Variants in PLEKHM2 observed in about 807,000 individuals in gnomAD.
PLEKHM2 encodes the protein pleckstrin homology domain-containing family M member 2.
PLEKHM2 carries 77 observed loss-of-function variants against 116.3 expected under a neutral mutation model. The ratio of observed to expected loss-of-function variants is 0.66; its 90% CI spans 0.55 to 0.80. PLEKHM2 has a LOEUF of 0.80. Ranked by LOEUF, PLEKHM2 falls within the 30% of genes least tolerant of loss-of-function variation. PLEKHM2 has a pLI of 0.00. For missense variants in PLEKHM2, 1,183 were observed against 1,354.9 expected (o/e 0.87, Z 1.99); for synonymous variants, 562 against 571.0 (o/e 0.98, Z 0.22).
intron 1 of PLEKHM2, among the ~76,000 whole-genome samples, chr1:15,695,226 G>C (rs866558447): frequency 6.6e-6 from 1 of 152,132 alleles, no homozygotes. Flanking sequence ...AATATTATGC[G>C]AGTACAAGGA....
chr1:15,719,492 G>A lies in PLEKHM2; in HGVS notation c.466-242G>A, dbSNP rs2067959365. Among the ~76,000 whole-genome samples, 1 of 152,044 alleles carries A rather than the reference G, an allele frequency of 6.6e-6. No individual in the cohort carries two copies. The highest frequency in any genetic ancestry group is 1.5e-5 in the Non-Finnish European group (1 of 67,996). Reference sequence around the variant, plus strand: ...AAATAGAGAGAGAGAGAGATAGCGGGGGCATCAAAGGGTGTAGCTGAGTTC... The same window carrying A: ...AAATAGAGAGAGAGAGAGATAGCGGAGGCATCAAAGGGTGTAGCTGAGTTC... On this transcript the variant is annotated intron_variant, in intron 5 of 19. Transcript: ENST00000375799. This position sits in a 1 kb window ranked among gnomAD's most constrained non-coding sequence, Gnocchi z 4.1.
At chr1:15,692,144 C>G (rs1640901716) in intron 1 of PLEKHM2, among the ~76,000 whole-genome samples, 1 of 151,792 alleles carries the variant, frequency 6.6e-6, no homozygotes, top group African/African-American at 2.4e-5. Flanking sequence ...GCTGGGGTAG[C>G]TCATTCCTGG....
chr1:15,725,602 C>G (rs373026297), intron 8 of PLEKHM2, 57 bp downstream of exon 8: 17 of 1,245,248 alleles, frequency 1.4e-5, no homozygotes, highest in East Asian at 7.6e-5. Context: ...CCTGTCCACT[C>G]CCAGCATCAG....
chr1:15,713,630 G>T (rs59522972), intron 1 of PLEKHM2, among the ~76,000 whole-genome samples: 14,256 of 150,520 alleles, frequency 0.095, 1,128 homozygotes, highest in African/African-American at 0.21. Flanking sequence ...TTGTTTGTTT[G>T]TTTGTTTTTT....
intron 1 of PLEKHM2, among the ~76,000 whole-genome samples, chr1:15,706,494 C>T (rs1037423191): frequency 6.9e-6 from 1 of 144,840 alleles, no homozygotes; most frequent in East Asian, 1.9e-4. Flanking sequence ...CAACCTCTGC[C>T]TCCCAGGTTC....
rs116379952 is a variant in PLEKHM2, at chr1:15,726,081, C to T, written c.941+536C>T. On this transcript the variant is annotated intron_variant, in intron 8 of 19. Coordinates refer to ENST00000375799, the MANE Select transcript of PLEKHM2 (RefSeq NM_015164.4). ...GGCTCAAGCCCTTGGAAGCAGGTGG[C>T]ACAGGCAGCGACCGTGGCTGGTGTC... is the stretch of plus-strand genomic sequence containing the variant. Among the ~76,000 whole-genome samples, 1,124 of 152,318 alleles carry T rather than the reference C, an allele frequency of 7.4e-3. 4 individuals carry two copies. The highest frequency in any genetic ancestry group is 0.011 in the Non-Finnish European group (761 of 68,028).
In PLEKHM2 at chr1:15,727,044, GAAA is replaced by G. The variant is rs2068071668; in HGVS notation, c.975_977del (p.Lys326del). ...CCAAGAAGAAGAAAATTGGCAAGAAGAAAAAGAGCAGATCAGATGAGGAGGCAA... is the reference window on the plus strand; with the variant it reads ...CCAAGAAGAAGAAAATTGGCAAGAAGAAGAGCAGATCAGATGAGGAGGCAA... On this transcript the variant is annotated inframe_deletion, in exon 9 of 20. Transcript: ENST00000375799. This position sits in a 1 kb window ranked among gnomAD's most constrained non-coding sequence, Gnocchi z 7.5. The G allele has an allele frequency of 1.3e-6, 2 of 1,483,290 alleles. No homozygotes were observed. Among genetic ancestry groups the G allele is most frequent in the South Asian group, 2.8e-5 (2 of 70,194 alleles). 91.9% of individuals were successfully genotyped at this position (1,483,290 alleles called of 1,614,324 possible).
Position 15,719,685 on chromosome 1 carries a change from CGCT to C in PLEKHM2, c.466-46_466-44del. On this transcript the variant is annotated intron_variant, in intron 5 of 19. Coordinates refer to ENST00000375799, the MANE Select transcript of PLEKHM2 (RefSeq NM_015164.4). The surrounding 1 kb of genome is among the most constrained non-coding windows in gnomAD (Gnocchi z 4.1). ...CTGGATCCTGCTGTCTGCAGAAGGC[CGCT>C]GCACGAGGCCTCCCACCAAACGGGC... is the stretch of plus-strand genomic sequence containing the variant. 1 of 1,358,864 alleles carries C rather than the reference CGCT, an allele frequency of 7.4e-7. No homozygotes were observed. The highest frequency in any genetic ancestry group is 1.0e-6 in the Non-Finnish European group (1 of 958,630). 84.2% of individuals were successfully genotyped at this position (1,358,864 alleles called of 1,614,324 possible).
chr1:15,721,756 G>A lies in PLEKHM2; in HGVS notation c.712+368G>A, dbSNP rs570959611. On this transcript the variant is annotated intron_variant, in intron 7 of 19. Coordinates refer to ENST00000375799, the MANE Select transcript of PLEKHM2 (RefSeq NM_015164.4). The surrounding 1 kb of genome is among the most constrained non-coding windows in gnomAD (Gnocchi z 5.1). ...TCTGGAAAACCATGCCTTTAAACAT[G>A]CGGGTTGTAAGCTCCTGCGGGTCAG... is the stretch of plus-strand genomic sequence containing the variant. 1.3e-5 allele frequency among the ~76,000 whole-genome samples: 2 copies of A among 152,288 alleles called. No individual in the cohort carries two copies. The highest frequency in any genetic ancestry group is 4.1e-4 in the South Asian group (2 of 4,830).
chr1:15,708,138 G>A (rs1024352335), intron 1 of PLEKHM2, among the ~76,000 whole-genome samples: 63 of 152,114 alleles, frequency 4.1e-4, no homozygotes, highest in African/African-American at 1.4e-3. Flanking sequence ...ACCTGCCTCG[G>A]CCTCCCAAAG....
chr1:15,685,998 C>A (rs72878883), intron 1 of PLEKHM2, among the ~76,000 whole-genome samples: 14,635 of 152,144 alleles, frequency 0.096, 948 homozygotes, highest in African/African-American at 0.18. Flanking sequence ...CTAATCTGGG[C>A]TGATTGTGGC....
At chr1:15,692,497 C>T (rs1040383442) in intron 1 of PLEKHM2, among the ~76,000 whole-genome samples, 5 of 152,214 alleles carry the variant, frequency 3.3e-5, no homozygotes, top group Admixed American at 2.0e-4. Flanking sequence ...CCATGTCGTG[C>T]ACAGAGGGAT....
intron 1 of PLEKHM2, among the ~76,000 whole-genome samples, chr1:15,693,569 G>C (rs1640929819): frequency 6.6e-6 from 1 of 152,208 alleles, no homozygotes; most frequent in South Asian, 2.1e-4. Context: ...AACAGAAACA[G>C]GTCACCATCT....
intron 1 of PLEKHM2, among the ~76,000 whole-genome samples, chr1:15,685,541 G>GAAAAAAAAAAAAAAAAAAAAAAAAAAA (rs200301672): frequency 1.9e-4 from 14 of 73,506 alleles, no homozygotes; most frequent in African/African-American, 4.8e-4. Flanking sequence ...CTCAGAAACT[G>GAAAAAAAAAAAAAAAAAAAAAAAAAAA]AAAAAAAAAA....
chr1:15,713,548 T>G (rs751772902), intron 1 of PLEKHM2, among the ~76,000 whole-genome samples: 37 of 152,358 alleles, frequency 2.4e-4, no homozygotes, highest in Non-Finnish European at 5.3e-4. Flanking sequence ...CTCGTCTCTG[T>G]AAATACACAA....
chr1:15,684,500 AGCGGCGGCGGGGCGGCGGCG>A lies in PLEKHM2; in HGVS notation c.-54_-35del. The A allele has an allele frequency of 1.1e-6, 1 of 908,330 alleles. No homozygotes were observed. Among genetic ancestry groups the A allele is most frequent in the Non-Finnish European group, 1.3e-6 (1 of 772,216 alleles). The allele number at this position is 908,330 out of a possible 1,614,324, so 56.3% of individuals were successfully genotyped here. Reference sequence around the variant, plus strand: ...GCGGCCCCCGGCCCCCGGCGCGGGAAGCGGCGGCGGGGCGGCGGCGGCGGTGGCGGTGGCGGTGGCGGCGA... The same window carrying A: ...GCGGCCCCCGGCCCCCGGCGCGGGAAGCGGTGGCGGTGGCGGTGGCGGCGA... On this transcript the variant is annotated 5_prime_UTR_variant, in exon 1 of 20. Transcript: ENST00000375799.
At chr1:15,715,223 A>G (rs1470278813) in intron 1 of PLEKHM2, among the ~76,000 whole-genome samples, 5 of 152,184 alleles carry the variant, frequency 3.3e-5, no homozygotes, top group Non-Finnish European at 7.3e-5. Context: ...GTATATGCAG[A>G]GGGTAGCTCC....
intron 1 of PLEKHM2, among the ~76,000 whole-genome samples, chr1:15,702,468 T>C (rs137940730): frequency 4.6e-5 from 7 of 151,956 alleles, no homozygotes; most frequent in Admixed American, 2.0e-4. Context: ...CAGACTGGAG[T>C]GCAGTGGCAC....
At chr1:15,697,100 G>A (rs192785158) in intron 1 of PLEKHM2, among the ~76,000 whole-genome samples, 3 of 152,160 alleles carry the variant, frequency 2.0e-5, no homozygotes, top group African/African-American at 7.2e-5. Context: ...AGATGAACAC[G>A]CCAGCTGAAG....
Sources: allele counts gnomAD v4.1 joint callset (sites outside exome capture counted in the v4.1 genomes callset), GRCh38; gene constraint gnomAD v4.1.1; non-coding constraint Gnocchi (gnomAD v3.1); transcripts MANE v1.5; gene names NCBI Gene and HGNC (gene_info 2026-07-23, HGNC 2026-07-21).